Variants in MPP7 observed in about 807,000 individuals in gnomAD.
The protein encoded by MPP7 is MAGUK p55 scaffold protein 7.
MPP7 carries 60 observed loss-of-function variants against 76.5 expected under a neutral mutation model. The observed-to-expected ratio is 0.78, with a 90% CI of 0.64 to 0.97. MPP7 has a LOEUF of 0.97. Among genes scored for constraint, MPP7 ranks in the 50% least tolerant of loss-of-function variants. The probability of loss-of-function intolerance (pLI) is 0.00; values close to 1 mark genes in which losing one functional copy is unlikely to be tolerated. For missense variants in MPP7, 641 were observed against 694.0 expected, an observed-to-expected ratio of 0.92 and a Z score of 0.86; for synonymous variants, 237 against 244.5, an observed-to-expected ratio of 0.97 and a Z score of 0.29.
intron 2 of MPP7, among the ~76,000 whole-genome samples, chr10:28,217,299 C>T (rs1288430304): frequency 2.0e-5 from 3 of 151,948 alleles, no homozygotes; most frequent in Non-Finnish European, 4.4e-5. Context: ...GAGGCCAAGG[C>T]AGGTGGATTG....
At chr10:28,184,250 A>G (rs1837153545) in intron 3 of MPP7, among the ~76,000 whole-genome samples, 1 of 148,386 alleles carries the variant, frequency 6.7e-6, no homozygotes, top group African/African-American at 2.4e-5. Flanking sequence ...ATTATAAAAT[A>G]CATATTAGAT....
At chr10:28,118,428 C>G in intron 11 of MPP7, 2 of 984,168 alleles carry the variant, frequency 2.0e-6, no homozygotes, top group Non-Finnish European at 2.4e-6. Flanking sequence ...TTTATTTCAT[C>G]TTTAAGTGAC....
chr10:28,163,281 A>G (rs538339400), intron 3 of MPP7, among the ~76,000 whole-genome samples: 69 of 152,182 alleles, frequency 4.5e-4, no homozygotes, highest in African/African-American at 1.5e-3. Flanking sequence ...CAACTTAGGG[A>G]CTTTGTACTT....
At chr10:28,064,293 G>A (rs1416049825) in intron 13 of MPP7, among the ~76,000 whole-genome samples, 1 of 152,184 alleles carries the variant, frequency 6.6e-6, no homozygotes, top group African/African-American at 2.4e-5. Flanking sequence ...TGATGTAGGA[G>A]ACAACATGGG....
chr10:28,169,674 C>A (rs7095067), intron 3 of MPP7, among the ~76,000 whole-genome samples: 20,223 of 152,166 alleles, frequency 0.13, 2,040 homozygotes, highest in African/African-American at 0.28. Context: ...TTTTACCTAG[C>A]TAACTCATGG....
chr10:28,168,604 C>T (rs908005160), intron 3 of MPP7, among the ~76,000 whole-genome samples: 5 of 152,060 alleles, frequency 3.3e-5, no homozygotes, highest in African/African-American at 9.7e-5. Context: ...CTGCAAGCTT[C>T]GCCTCCCGGG....
intron 3 of MPP7, among the ~76,000 whole-genome samples, chr10:28,166,292 A>G (rs2985519): frequency 0.48 from 72,826 of 151,472 alleles, 20,410 homozygotes; most frequent in Middle Eastern, 0.72. Flanking sequence ...CAAACCATCC[A>G]CTAGAATAGT....
intron 2 of MPP7, among the ~76,000 whole-genome samples, chr10:28,219,088 T>C (rs1838409806): frequency 6.6e-6 from 1 of 152,046 alleles, no homozygotes; most frequent in Non-Finnish European, 1.5e-5. Context: ...CTATACAAAC[T>C]ATAAAGAGAA....
At chr10:28,218,994 T>C (rs1433968648) in intron 2 of MPP7, among the ~76,000 whole-genome samples, 1 of 152,172 alleles carries the variant, frequency 6.6e-6, no homozygotes, top group East Asian at 1.9e-4. Context: ...GGCACAAGTA[T>C]CTAGATCTAT....
intron 3 of MPP7, among the ~76,000 whole-genome samples, chr10:28,151,975 G>C (rs1464270638): frequency 6.6e-6 from 1 of 152,180 alleles, no homozygotes; most frequent in Non-Finnish European, 1.5e-5. Flanking sequence ...ATCATCAGTG[G>C]TTCCTCTCCA....
intron 5 of MPP7, among the ~76,000 whole-genome samples, chr10:28,139,483 A>G (rs1835445486): frequency 1.3e-5 from 2 of 152,208 alleles, no homozygotes; most frequent in Non-Finnish European, 2.9e-5. Flanking sequence ...TTTGTTCTTT[A>G]TTAGGTACAG....
intron 3 of MPP7, among the ~76,000 whole-genome samples, chr10:28,184,520 C>A (rs1837165119): frequency 6.7e-6 from 1 of 149,128 alleles, no homozygotes; most frequent in South Asian, 2.1e-4. Context: ...ACCAGGCTGG[C>A]CAACATGGTG....
chr10:28,158,784 G>T (rs546305098), intron 3 of MPP7, among the ~76,000 whole-genome samples: 13 of 152,326 alleles, frequency 8.5e-5, no homozygotes, highest in African/African-American at 2.6e-4. Context: ...CACAAGCCAT[G>T]CACTGTAAGA....
At chr10:28,193,493 G>C (rs1458525137) in intron 3 of MPP7, among the ~76,000 whole-genome samples, 2 of 152,262 alleles carry the variant, frequency 1.3e-5, no homozygotes, top group South Asian at 4.1e-4. Flanking sequence ...TTACAGGCGT[G>C]AGTCACCATG....
At chr10:28,286,956 G>A (rs766116229) in intron 1 of MPP7, among the ~76,000 whole-genome samples, 1 of 152,168 alleles carries the variant, frequency 6.6e-6, no homozygotes, top group Non-Finnish European at 1.5e-5. Context: ...TGAAGGAGCT[G>A]TGCGGCATAC....
chr10:28,262,338 C>T (rs1840020090), intron 1 of MPP7, among the ~76,000 whole-genome samples: 1 of 144,766 alleles, frequency 6.9e-6, no homozygotes, highest in Admixed American at 7.0e-5. Context: ...CCTTGTGATC[C>T]ACCGGCCTCG....
chr10:28,119,173 AAAGGGATAGG>A, intron 11 of MPP7: 3 of 515,074 alleles, frequency 5.8e-6, no homozygotes, highest in Non-Finnish European at 7.5e-6. Flanking sequence ...TAATAACTCC[AAAGGGATAGG>A]CTAAAGGTCA....
intron 1 of MPP7, among the ~76,000 whole-genome samples, chr10:28,255,418 TC>T (rs1471607986): frequency 1.4e-5 from 2 of 148,078 alleles, no homozygotes; most frequent in African/African-American, 4.9e-5. Context: ...CCCACCTTTT[TC>T]TTTTTTTTTT....
intron 14 of MPP7, 133 bp downstream of exon 14, chr10:28,059,517 T>G (rs1248713880): frequency 1.7e-6 from 1 of 582,614 alleles, no homozygotes; most frequent in African/African-American, 1.9e-5. Flanking sequence ...AATTATTACC[T>G]TTTCATCTGT....
Sources: gnomAD v4.1 joint callset for allele counts (sites outside exome capture counted in the v4.1 genomes callset) on GRCh38, gnomAD v4.1.1 for gene constraint, MANE v1.5 for transcripts, NCBI Gene and HGNC (gene_info 2026-07-23, HGNC 2026-07-21) for gene names.